Variants in TENM3 observed in about 807,000 individuals in gnomAD.
TENM3 encodes teneurin transmembrane protein 3.
Under a neutral mutation model 255.1 loss-of-function variants are expected in TENM3, and 63 were observed. The ratio of observed to expected loss-of-function variants is 0.25; its 90% confidence interval spans 0.20 to 0.30. The LOEUF (loss-of-function observed/expected upper bound fraction) is 0.30, where lower values mean the gene tolerates loss of function less well. Ranked by LOEUF, TENM3 falls within the 10% of genes least tolerant of loss-of-function variation. The probability of loss-of-function intolerance (pLI) is 1.00; values close to 1 mark genes in which losing one functional copy is unlikely to be tolerated. For synonymous variants in TENM3, 1,306 were observed against 1,322.3 expected, an observed-to-expected ratio of 0.99 and a Z score of 0.27; for missense variants, 2,929 against 3,461.1, an observed-to-expected ratio of 0.85 and a Z score of 3.86.
At chr4:181,697,552 C>T in the TENM3 span, among the ~76,000 whole-genome samples, 2 of 152,082 alleles carry the variant, frequency 1.3e-5, no homozygotes, top group East Asian at 1.9e-4. Context: ...CACTACCACA[C>T]CCGGCTAATT....
the TENM3 span, among the ~76,000 whole-genome samples, chr4:181,626,609 C>T: frequency 6.6e-6 from 1 of 152,046 alleles, no homozygotes; most frequent in African/African-American, 2.4e-5. Flanking sequence ...AACCAGATCT[C>T]ATGAGAACTC....
At chr4:181,582,823 A>G in the TENM3 span, among the ~76,000 whole-genome samples, 2 of 152,204 alleles carry the variant, frequency 1.3e-5, no homozygotes, top group Non-Finnish European at 2.9e-5. Flanking sequence ...TCTGAAAAGG[A>G]AAGCGGCCAT....
the TENM3 span, among the ~76,000 whole-genome samples, chr4:181,808,383 A>G: frequency 1.3e-5 from 2 of 152,206 alleles, no homozygotes; most frequent in African/African-American, 4.8e-5. Context: ...GACATATGGC[A>G]TTTTCAGATA....
the TENM3 span, among the ~76,000 whole-genome samples, chr4:181,982,129 A>T: frequency 6.6e-6 from 1 of 152,180 alleles, no homozygotes; most frequent in East Asian, 1.9e-4. Flanking sequence ...AAGAGAAAAC[A>T]ATGTGAAAGA....
chr4:182,486,661 C>T (rs1734761642), intron 3 of TENM3, among the ~76,000 whole-genome samples: 1 of 152,094 alleles, frequency 6.6e-6, no homozygotes, highest in Admixed American at 6.5e-5. Context: ...GAGCTAGAAC[C>T]CCCATATGCT....
intron 1 of TENM3, among the ~76,000 whole-genome samples, chr4:182,213,682 T>C (rs187489436): frequency 3.9e-5 from 6 of 152,358 alleles, no homozygotes; most frequent in South Asian, 2.1e-4. Context: ...TTCTTAGCTC[T>C]ATTTGCATGC....
At chr4:182,147,587 C>T (rs569014966) in intron 1 of TENM3, among the ~76,000 whole-genome samples, 1 of 152,260 alleles carries the variant, frequency 6.6e-6, no homozygotes, top group Admixed American at 6.5e-5. Flanking sequence ...GGAAGCTGTG[C>T]AACCTGTTAA....
chr4:182,650,755 A>G (rs1016831797), intron 5 of TENM3, among the ~76,000 whole-genome samples: 1 of 135,150 alleles, frequency 7.4e-6, no homozygotes, highest in East Asian at 2.6e-4. Context: ...TAATATCCTA[A>G]GACCAAACAA....
the TENM3 span, among the ~76,000 whole-genome samples, chr4:182,025,674 C>A: frequency 2.0e-5 from 3 of 152,040 alleles, no homozygotes; most frequent in South Asian, 6.2e-4. Context: ...TCCACATTCT[C>A]GCAAGTATTT....
At chr4:181,834,540 C>T in the TENM3 span, among the ~76,000 whole-genome samples, 1 of 152,212 alleles carries the variant, frequency 6.6e-6, no homozygotes, top group Admixed American at 6.5e-5. Context: ...AGCTGGTATG[C>T]ACCTGCACCT....
upstream of TENM3, chr4:182,143,204 C>T (rs1749600955): frequency 6.0e-6 from 1 of 167,174 alleles, no homozygotes; most frequent in Admixed American, 6.5e-5. The surrounding 1 kb of genome is among the most constrained non-coding windows in gnomAD (Gnocchi z 4.3). Context: ...CGGAGGACTC[C>T]CGGGTCCGCC....
At chr4:181,514,014 A>G in the TENM3 span, among the ~76,000 whole-genome samples, 5 of 152,222 alleles carry the variant, frequency 3.3e-5, no homozygotes, top group African/African-American at 1.2e-4. Flanking sequence ...ATATTTAAAA[A>G]CATGAAATAA....
At chr4:181,741,473 A>T in the TENM3 span, among the ~76,000 whole-genome samples, 10 of 141,270 alleles carry the variant, frequency 7.1e-5, no homozygotes, top group Non-Finnish European at 1.6e-4. Context: ...TTTATTAGTT[A>T]AAAAAAGGAG....
intron 2 of TENM3, among the ~76,000 whole-genome samples, chr4:182,324,765 G>A (rs1388033594): frequency 2.6e-5 from 4 of 152,318 alleles, no homozygotes; most frequent in Non-Finnish European, 5.9e-5. Flanking sequence ...AGCCTGCCAC[G>A]GAAAGGTTCC....
At chr4:182,197,852 C>G (rs1753924235) in intron 1 of TENM3, among the ~76,000 whole-genome samples, 1 of 152,330 alleles carries the variant, frequency 6.6e-6, no homozygotes, top group South Asian at 2.1e-4. Flanking sequence ...CGCCTGTAAT[C>G]CCAGCACTTC....
the TENM3 span, among the ~76,000 whole-genome samples, chr4:182,060,901 C>T: frequency 6.6e-6 from 1 of 152,188 alleles, no homozygotes; most frequent in Non-Finnish European, 1.5e-5. Context: ...CATTCCCCAG[C>T]TATGTGGCAC....
the TENM3 span, among the ~76,000 whole-genome samples, chr4:181,787,184 C>T: frequency 1.3e-5 from 2 of 152,074 alleles, no homozygotes; most frequent in African/African-American, 4.8e-5. Context: ...ATTTTCGGCA[C>T]AATAAGACGA....
the TENM3 span, among the ~76,000 whole-genome samples, chr4:181,860,899 C>T: frequency 6.6e-6 from 1 of 152,072 alleles, no homozygotes; most frequent in African/African-American, 2.4e-5. Flanking sequence ...TTTGGAGGCA[C>T]ACAAGTCTTT....
intron 1 of TENM3, among the ~76,000 whole-genome samples, chr4:182,254,329 C>T (rs887017958): frequency 2.3e-5 from 3 of 131,140 alleles, no homozygotes; most frequent in Non-Finnish European, 4.8e-5. Context: ...CTTTTTCTCT[C>T]TCTCTTTTTT....
Sources: allele counts gnomAD v4.1 joint callset (sites outside exome capture counted in the v4.1 genomes callset), GRCh38; gene constraint gnomAD v4.1.1; non-coding constraint Gnocchi (gnomAD v3.1); transcripts MANE v1.5; gene names NCBI Gene and HGNC (gene_info 2026-07-23, HGNC 2026-07-21).